CTNNA3: variants seen among roughly 807,000 people sequenced by gnomAD.
The protein encoded by CTNNA3 is catenin alpha-3.
In CTNNA3, 76 loss-of-function variants were observed where a neutral mutation model predicts 95.7. That is an observed-to-expected ratio of 0.79 (90% CI 0.66 to 0.96). The LOEUF is 0.96. CTNNA3 is among the 40% of genes least tolerant of loss of function. The pLI is 0.00. For synonymous variants in CTNNA3, 431 were observed against 374.4 expected, an observed-to-expected ratio of 1.15 and a Z score of -1.74; for missense variants, 1,191 against 1,089.8, an observed-to-expected ratio of 1.09 and a Z score of -1.31.
At chr10:66,368,153 A>G (rs2092727200) in intron 12 of CTNNA3, among the ~76,000 whole-genome samples, 1 of 151,914 alleles carries the variant, frequency 6.6e-6, no homozygotes, top group African/African-American at 2.4e-5. Flanking sequence ...CTGAGTTCTT[A>G]TGCACACAAA....
chr10:66,845,729 A>AGAAAAC (rs1297933220), intron 7 of CTNNA3, among the ~76,000 whole-genome samples: 1 of 87,736 alleles, frequency 1.1e-5, no homozygotes, highest in Non-Finnish European at 2.6e-5. Context: ...AAAAAAAAAA[A>AGAAAAC]CTAAAAAGGT....
At chr10:67,665,941 A>T (rs1840322251) in intron 1 of CTNNA3, among the ~76,000 whole-genome samples, 1 of 152,250 alleles carries the variant, frequency 6.6e-6, no homozygotes, top group African/African-American at 2.4e-5. Flanking sequence ...AGTAGAAAGA[A>T]AAAATATAAA....
intron 9 of CTNNA3, among the ~76,000 whole-genome samples, chr10:66,672,917 T>A (rs1846716163): frequency 6.6e-6 from 1 of 152,024 alleles, no homozygotes; most frequent in Non-Finnish European, 1.5e-5. Context: ...AATTTTAGGC[T>A]TAGAAGAAAA....
chr10:66,892,193 T>A (rs893797751), intron 7 of CTNNA3, among the ~76,000 whole-genome samples: 2 of 152,076 alleles, frequency 1.3e-5, no homozygotes, highest in African/African-American at 4.8e-5. Flanking sequence ...TTAAGTACAA[T>A]GGCAACTAAA....
At chr10:66,097,015 G>C (rs760014542) in intron 14 of CTNNA3, among the ~76,000 whole-genome samples, 11 of 152,242 alleles carry the variant, frequency 7.2e-5, no homozygotes, top group Non-Finnish European at 1.5e-4. Context: ...CGGTGATGTT[G>C]CATTAACAAG....
Position 67,304,167 on chromosome 10 carries a change from T to C in CTNNA3, c.580-84297A>G, listed in dbSNP as rs547305743. ...GGTCTGCATCCCCATTATTGACTTTTAGACAGCACCACTTCACCGTGCCCC... is the reference window on the plus strand; with the variant it reads ...GGTCTGCATCCCCATTATTGACTTTCAGACAGCACCACTTCACCGTGCCCC... On this transcript the variant is annotated intron_variant, in intron 5 of 17. Coordinates refer to ENST00000433211, the MANE Select transcript of CTNNA3 (RefSeq NM_013266.4). Among the ~76,000 whole-genome samples, 4 of 152,288 alleles carry C rather than the reference T, an allele frequency of 2.6e-5. 1 individual carries two copies. Among genetic ancestry groups the C allele is most frequent in the African/African-American group, 7.2e-5 (3 of 41,560 alleles).
At chr10:67,373,310 G>T (rs1843555595) in intron 5 of CTNNA3, among the ~76,000 whole-genome samples, 1 of 152,114 alleles carries the variant, frequency 6.6e-6, no homozygotes, top group African/African-American at 2.4e-5. Flanking sequence ...CAAAAAAAAG[G>T]CAGGGATTGC....
chr10:66,608,252 G>T (rs569362617), intron 10 of CTNNA3, among the ~76,000 whole-genome samples: 1 of 151,920 alleles, frequency 6.6e-6, no homozygotes. Context: ...GAGGTGAAAG[G>T]TCTCTACAAT....
At chr10:67,091,170 C>T (rs993026770) in intron 7 of CTNNA3, among the ~76,000 whole-genome samples, 15 of 151,878 alleles carry the variant, frequency 9.9e-5, no homozygotes, top group Non-Finnish European at 2.2e-4. Context: ...CATCAAATTG[C>T]GCATACCTTA....
At chr10:67,074,929 T>A (rs550173378) in intron 7 of CTNNA3, among the ~76,000 whole-genome samples, 2 of 152,326 alleles carry the variant, frequency 1.3e-5, no homozygotes, top group African/African-American at 4.8e-5. Flanking sequence ...GACATCATGC[T>A]GAAAATGGGT....
chr10:67,297,398 G>A (rs1424813275), intron 5 of CTNNA3, among the ~76,000 whole-genome samples: 1 of 152,132 alleles, frequency 6.6e-6, no homozygotes, highest in Non-Finnish European at 1.5e-5. Flanking sequence ...TACTTCTATA[G>A]GAAATTAACA....
chr10:66,388,372 C>T (rs2441722), intron 11 of CTNNA3, among the ~76,000 whole-genome samples: 98,121 of 151,916 alleles, frequency 0.65, 33,317 homozygotes, highest in East Asian at 0.88. Flanking sequence ...ATTTTTTCCC[C>T]AGTGAATTTT....
intron 14 of CTNNA3, among the ~76,000 whole-genome samples, chr10:66,085,441 T>G (rs554742809): frequency 3.3e-5 from 5 of 152,164 alleles, no homozygotes; most frequent in Admixed American, 2.6e-4. Context: ...GCAACTGTAA[T>G]AGATTACATC....
At chr10:67,477,133 G>C (rs933683514) in intron 5 of CTNNA3, among the ~76,000 whole-genome samples, 10 of 152,036 alleles carry the variant, frequency 6.6e-5, no homozygotes, top group Non-Finnish European at 1.3e-4. Context: ...AGATCTCAAG[G>C]AATCTAGAAC....
chr10:67,028,039 C>G (rs757934825), intron 7 of CTNNA3, among the ~76,000 whole-genome samples: 2 of 152,000 alleles, frequency 1.3e-5, no homozygotes, highest in African/African-American at 2.4e-5. Flanking sequence ...TGAAAAAGAC[C>G]AGCTGAAGTT....
intron 9 of CTNNA3, among the ~76,000 whole-genome samples, chr10:66,694,829 C>T (rs931682092): frequency 6.6e-6 from 1 of 152,110 alleles, no homozygotes; most frequent in Non-Finnish European, 1.5e-5. Flanking sequence ...ACTGTTATTA[C>T]TTATTCCACT....
chr10:66,600,669 A>G (rs1487981810), intron 10 of CTNNA3, among the ~76,000 whole-genome samples: 3 of 151,846 alleles, frequency 2.0e-5, no homozygotes, highest in Admixed American at 1.3e-4. Context: ...AAATCTTACC[A>G]AGTATGATAC....
At chr10:66,908,030 T>C (rs539706403) in intron 7 of CTNNA3, among the ~76,000 whole-genome samples, 6 of 152,310 alleles carry the variant, frequency 3.9e-5, no homozygotes, top group African/African-American at 1.4e-4. Flanking sequence ...CATCTGGGAA[T>C]TGTCTACTTG....
intron 15 of CTNNA3, among the ~76,000 whole-genome samples, chr10:65,999,712 T>C (rs952173594): frequency 2.6e-5 from 4 of 152,218 alleles, no homozygotes; most frequent in Non-Finnish European, 4.4e-5. Flanking sequence ...TACTATGTAA[T>C]GAAGGCTTTT....
Sources: gnomAD v4.1 joint callset for allele counts (sites outside exome capture counted in the v4.1 genomes callset) on GRCh38, gnomAD v4.1.1 for gene constraint, MANE v1.5 for transcripts, NCBI Gene and HGNC (gene_info 2026-07-23, HGNC 2026-07-21) for gene names.